Variants in TIA1 observed in about 807,000 individuals in gnomAD.
TIA1 encodes TIA1 cytotoxic granule associated RNA binding protein.
Under a neutral mutation model 65.9 loss-of-function variants are expected in TIA1, and 23 were observed. The observed-to-expected ratio is 0.35, with a 90% CI of 0.25 to 0.49. The LOEUF (loss-of-function observed/expected upper bound fraction) is 0.49. TIA1 is among the 20% of genes least tolerant of loss of function. TIA1 has a pLI of 0.98. For synonymous variants in TIA1, 147 were observed against 149.4 expected (o/e 0.98, Z 0.12); for missense variants, 371 against 477.9 (o/e 0.78, Z 2.09).
intron 6 of TIA1, 43 bp from the exon 7 acceptor site, chr2:70,224,672 C>A: frequency 6.3e-7 from 1 of 1,596,338 alleles, no homozygotes; most frequent in Non-Finnish European, 8.5e-7. Flanking sequence ...GCAAACTATC[C>A]TCTGGATATC....
At chr2:70,219,651 T>G (rs1334634085) in intron 7 of TIA1, among the ~76,000 whole-genome samples, 1 of 152,064 alleles carries the variant, frequency 6.6e-6, no homozygotes, top group Non-Finnish European at 1.5e-5. Flanking sequence ...TTTTATTTTT[T>G]TAATTTCTTT....
At chr2:70,247,726 T>A (rs1396892644) in intron 1 of TIA1, among the ~76,000 whole-genome samples, 4 of 152,110 alleles carry the variant, frequency 2.6e-5, no homozygotes, top group African/African-American at 9.7e-5. Context: ...ATAAAAATAA[T>A]ATTAAATCCA....
rs532963050 is a variant in TIA1, at chr2:70,236,172, G to A, written c.30C>T (p.Tyr10=). 6.6e-5 allele frequency: 106 copies of A among 1,595,834 alleles called. No individual in the cohort carries two copies. In the South Asian group the frequency reaches 7.6e-4, roughly 11 times the overall value. ...TCACATCTCTGGAAAGGTTACCGACGTATCTGAAACACAAAGAGAAACAAT... is the reference window on the plus strand; with the variant it reads ...TCACATCTCTGGAAAGGTTACCGACATATCTGAAACACAAAGAGAAACAAT... MEDEMPKTL[Y]VGNLSRDVTE... is the part of the protein sequence containing the mutation. Residue 10 remains tyrosine, a synonymous_variant, in exon 2 of 13, where the codon TAC becomes TAT. Coordinates refer to ENST00000433529, the MANE Select transcript of TIA1 (RefSeq NM_022173.4).
At chr2:70,237,630 TGAG>T (rs1221375983) in intron 1 of TIA1, among the ~76,000 whole-genome samples, 2 of 149,838 alleles carry the variant, frequency 1.3e-5, no homozygotes, top group Non-Finnish European at 3.0e-5. Flanking sequence ...TTTGGGAGGC[TGAG>T]GAGAGAGGAT....
At chr2:70,229,659 C>T (rs963299952) in intron 3 of TIA1, among the ~76,000 whole-genome samples, 5 of 152,092 alleles carry the variant, frequency 3.3e-5, no homozygotes, top group African/African-American at 1.2e-4. Flanking sequence ...AAAATACTAA[C>T]ATAGGCTGCT....
chr2:70,215,724 C>A, intron 10 of TIA1: 1 of 445,084 alleles, frequency 2.2e-6, no homozygotes, highest in South Asian at 3.0e-5. Context: ...ATCACAGAGG[C>A]AAATACGCTG....
At chr2:70,224,727 T>G in intron 6 of TIA1, 98 bp from the exon 7 acceptor site, 1 of 1,511,882 alleles carries the variant, frequency 6.6e-7, no homozygotes. Flanking sequence ...TTCACCTTCA[T>G]TAAAGTGAAC....
intron 5 of TIA1, chr2:70,228,701 A>G (rs1684812027): frequency 1.0e-6 from 1 of 985,452 alleles, no homozygotes; most frequent in South Asian, 4.7e-5. Context: ...CTTAAACAAC[A>G]TTTTGGATTG....
intron 6 of TIA1, among the ~76,000 whole-genome samples, chr2:70,227,475 AC>A (rs796255821): frequency 3.6e-4 from 55 of 152,302 alleles, no homozygotes; most frequent in African/African-American, 1.2e-3. Context: ...AGAAAGTAAA[AC>A]ATGTACAATG....
At chr2:70,229,376 T>C in intron 3 of TIA1, 58 bp from the exon 4 acceptor site, 1 of 1,424,672 alleles carries the variant, frequency 7.0e-7, no homozygotes, top group Non-Finnish European at 9.8e-7. Flanking sequence ...AAAATCACAT[T>C]TGTATCTATA....
chr2:70,247,920 C>G (rs1695137722), intron 1 of TIA1, among the ~76,000 whole-genome samples: 1 of 150,858 alleles, frequency 6.6e-6, no homozygotes, highest in Non-Finnish European at 1.5e-5. Flanking sequence ...TACAAGCACC[C>G]TCGAGGAGGA....
At chr2:70,240,957 G>A (rs1691402854) in intron 1 of TIA1, among the ~76,000 whole-genome samples, 1 of 152,044 alleles carries the variant, frequency 6.6e-6, no homozygotes, top group East Asian at 1.9e-4. Flanking sequence ...CCCGGATGAG[G>A]GGAAAATAGT....
intron 7 of TIA1, 130 bp from the exon 8 acceptor site, chr2:70,217,124 T>C (rs1678941055): frequency 1.4e-6 from 1 of 738,112 alleles, no homozygotes; most frequent in Non-Finnish European, 2.0e-6. Context: ...ATACACAACA[T>C]ATGATAGCTT....
At chr2:70,219,600 A>G (rs1412700269) in intron 7 of TIA1, among the ~76,000 whole-genome samples, 1 of 152,160 alleles carries the variant, frequency 6.6e-6, no homozygotes, top group Non-Finnish European at 1.5e-5. Flanking sequence ...GCCTCCTAGT[A>G]GCTAGGACTA....
chr2:70,239,754 T>C (rs1216179267), intron 1 of TIA1, among the ~76,000 whole-genome samples: 1 of 152,148 alleles, frequency 6.6e-6, no homozygotes, highest in South Asian at 2.1e-4. Context: ...GGTAAAATAA[T>C]GGTACTCAAA....
Position 70,236,193 on chromosome 2 carries a change from A to C in TIA1, c.27-18T>G. ...CGACGTATCTGAAACACAAAGAGAA[A>C]CAATTTACCTTTTTTTTTTTTTGAG... On this transcript the variant is annotated intron_variant, in intron 1 of 12. Coordinates refer to ENST00000433529, the MANE Select transcript of TIA1 (RefSeq NM_022173.4). 6.6e-7 allele frequency: 1 copy of C among 1,516,136 alleles called. No homozygotes were observed. The allele number at this position is 1,516,136 out of a possible 1,614,324, so 93.9% of individuals were successfully genotyped here.
At position 70,212,709 on chromosome 2, in the gene TIA1, G is replaced by A. The variant is rs1676787115; in HGVS notation, c.*10C>T. On this transcript the variant is annotated 3_prime_UTR_variant, in exon 13 of 13. Transcript: ENST00000433529. ...CTCAAGCCACTGGCTTTAGATTCTGGAGTCCTTATTCACTGGGTTTCATAC... is the reference window on the plus strand; with the variant it reads ...CTCAAGCCACTGGCTTTAGATTCTGAAGTCCTTATTCACTGGGTTTCATAC... 1 of 1,551,104 alleles carries A rather than the reference G, an allele frequency of 6.4e-7. No homozygotes were observed. The highest frequency in any genetic ancestry group is 1.4e-5 in the African/African-American group (1 of 73,526).
intron 7 of TIA1, among the ~76,000 whole-genome samples, chr2:70,217,910 A>G (rs746793818): frequency 1.3e-5 from 2 of 152,212 alleles, no homozygotes; most frequent in Non-Finnish European, 2.9e-5. Flanking sequence ...TGCAACTCAG[A>G]CTACTATAGA....
Position 70,210,328 on chromosome 2 carries a change from G to A in TIA1, c.*2391C>T, listed in dbSNP as rs1421224170. 1 of 152,104 alleles carries A rather than the reference G, an allele frequency of 6.6e-6. No homozygotes were observed. Among genetic ancestry groups the A allele is most frequent in the Non-Finnish European group, 1.5e-5 (1 of 68,026 alleles). The allele number at this position is 152,104 out of a possible 1,614,324, so 9.4% of individuals were successfully genotyped here. ...TACCAGAAAGTAAAATCTAAATTTT[G>A]CATATTGCAGAGAATGAAACCATTT... is the stretch of plus-strand genomic sequence containing the variant. On this transcript the variant is annotated 3_prime_UTR_variant, in exon 13 of 13. Transcript: ENST00000433529.
Sources: allele counts gnomAD v4.1 joint callset (sites outside exome capture counted in the v4.1 genomes callset), GRCh38; gene constraint gnomAD v4.1.1; transcripts MANE v1.5; gene names NCBI Gene and HGNC (gene_info 2026-07-23, HGNC 2026-07-21).